The following CKM variants were observed in gnomAD, a reference collection of about 807,000 sequenced individuals.
CKM encodes creatine kinase M-type.
Under a neutral mutation model 35.4 loss-of-function variants are expected in CKM, and 28 were observed. The observed-to-expected ratio is 0.79, with a 90% CI of 0.59 to 1.08. CKM has a LOEUF of 1.08. Among genes scored for constraint, CKM ranks in the 50% least tolerant of loss-of-function variants. CKM has a pLI of 0.00. For missense variants in CKM, 484 were observed against 509.8 expected (o/e 0.95, Z 0.49); for synonymous variants, 215 against 204.4 (o/e 1.05, Z -0.44).
rs76072092 is a variant in CKM at position 45,306,817 on chromosome 19, A to G, written c.1079T>C (p.Met360Thr). 16 of 1,614,032 alleles carry G rather than the reference A, an allele frequency of 9.9e-6. No homozygotes were observed. Among genetic ancestry groups the G allele is most frequent in the African/African-American group, 1.3e-5 (1 of 74,906 alleles). Reference protein sequence around the residue: ...VQLVVDGVKLMVEMEKKLEKG... With the variant: ...VQLVVDGVKLTVEMEKKLEKG... ...CTCCAACTTCTTCTCCATTTCCACC[A>G]TGAGCTTCACACCATCCACCACCAG... Residue 360 changes from methionine (M) to threonine (T), a missense_variant, in exon 8 of 8, where the codon ATG becomes ACG. Physicochemically the swap from Met to Thr is moderately conservative, Grantham distance 81. Transcript: ENST00000221476. This position sits in a 1 kb window ranked among gnomAD's most constrained non-coding sequence, Gnocchi z 4.5.
chr19:45,322,699 T>G, intron 1 of CKM, 122 bp downstream of exon 1: 4 of 535,762 alleles, frequency 7.5e-6, no homozygotes, highest in Non-Finnish European at 9.5e-6. Context: ...CGACCTGCCT[T>G]TGTATAGGAG....
chr19:45,320,291 CTCTACTG>C (rs1971201501), intron 1 of CKM, among the ~76,000 whole-genome samples: 1 of 151,240 alleles, frequency 6.6e-6, no homozygotes, highest in Non-Finnish European at 1.5e-5. Context: ...GTTTCACCAT[CTCTACTG>C]GTTGGCCAGG....
intron 6 of CKM, among the ~76,000 whole-genome samples, chr19:45,308,105 C>T (rs1971071804): frequency 6.6e-6 from 1 of 152,142 alleles, no homozygotes; most frequent in Non-Finnish European, 1.5e-5. Flanking sequence ...GAACTCCTGA[C>T]CCTCCTCAGC....
chr19:45,320,231 C>T (rs1164049269), intron 1 of CKM, among the ~76,000 whole-genome samples: 1 of 152,112 alleles, frequency 6.6e-6, no homozygotes, highest in Non-Finnish European at 1.5e-5. Flanking sequence ...GGATTACAGG[C>T]GCACACCACC....
At chr19:45,314,834 C>T (rs1214094575) in intron 4 of CKM, among the ~76,000 whole-genome samples, 1 of 152,142 alleles carries the variant, frequency 6.6e-6, no homozygotes, top group Non-Finnish European at 1.5e-5. Context: ...ACCTCAGTCT[C>T]CTGAGTAGCT....
chr19:45,317,825 CT>C lies in CKM; in HGVS notation c.347del (p.Lys116ArgfsTer50), dbSNP rs1321357601. ...HKTDLNHENL[K>X]GGDDLDPNYV... ...CCTCCCCTCCTGCGCAGACACCGAC[CT>C]TGAGGTTTTCATGGTTGAGGTCAGT... On this transcript the variant is annotated frameshift_variant and splice_region_variant, in exon 3 of 8. Coordinates refer to ENST00000221476, the MANE Select transcript of CKM (RefSeq NM_001824.5). LOFTEE classifies it high-confidence loss of function. 12 of 1,613,922 alleles carry C rather than the reference CT, an allele frequency of 7.4e-6. No individual in the cohort carries two copies. In the Admixed American group the frequency reaches 1.8e-4, roughly 25 times the overall value.
Position 45,319,749 on chromosome 19 carries a change from AG to A in CKM, c.-18-19del. ...TAGGAGACCTGATGGGCAGGGCAGG[AG>A]GGGAAGATTGAAGATTAGCTGGCAT... On this transcript the variant is annotated intron_variant, in intron 1 of 7. Transcript: ENST00000221476. 6.3e-7 allele frequency: 1 copy of A among 1,588,474 alleles called. No individual in the cohort carries two copies. The highest frequency in any genetic ancestry group is 8.6e-7 in the Non-Finnish European group (1 of 1,158,486).
chr19:45,308,556 A>C (rs539774241), intron 5 of CKM, 24 bp from the exon 6 acceptor site: 2 of 1,612,860 alleles, frequency 1.2e-6, no homozygotes, highest in Admixed American at 3.3e-5. Flanking sequence ...CCGCAGCAAG[A>C]GGCCAAGGTG....
chr19:45,312,231 A>G (rs1014850175), intron 4 of CKM, among the ~76,000 whole-genome samples: 1 of 152,144 alleles, frequency 6.6e-6, no homozygotes, highest in Non-Finnish European at 1.5e-5. Flanking sequence ...CCTGCTCCTA[A>G]TGGCTGGCAA....
Position 45,307,589 on chromosome 19 carries a change from A to G in CKM, c.839T>C (p.Val280Ala), listed in dbSNP as rs758314659. The change falls in exon 7 of 8, where the codon GTG becomes GCG. Residue 280 changes from valine (V) to alanine (A), a missense_variant. Physicochemically the swap from Val to Ala is moderately conservative, Grantham distance 64 (BLOSUM62 0). Coordinates refer to ENST00000221476, the MANE Select transcript of CKM (RefSeq NM_001824.5). ...PFMWNQHLGY[V>A]LTCPSNLGTG... The stretch of plus-strand genomic sequence containing the variant: ...GCCCAGGTTGGATGGGCAGGTGAGC[A>G]CGTAGCCCAGGTGCTGGTTCCACAT... The G allele has an allele frequency of 1.9e-6, 3 of 1,614,058 alleles. No homozygotes were observed. The highest frequency in any genetic ancestry group is 1.7e-6 in the Non-Finnish European group (2 of 1,180,030).
intron 5 of CKM, 37 bp downstream of exon 5, chr19:45,311,712 G>C (rs533368374): frequency 9.1e-6 from 14 of 1,532,640 alleles, no homozygotes; most frequent in Non-Finnish European, 1.2e-5. Flanking sequence ...GAGGAGGCTG[G>C]GGGAAGAGGA....
Position 45,308,515 on chromosome 19 carries a change from C to T in CKM, c.671G>A (p.Ser224Asn). ...CTCCTCGTTCACCCACACCAGGAAG[C>T]TCTTGTTGTCATTGTGCCTAGAGTA... is the stretch of plus-strand genomic sequence containing the variant. Reference protein sequence around the residue: ...ARGIWHNDNKSFLVWVNEEDH... With the variant: ...ARGIWHNDNKNFLVWVNEEDH... Residue 224 changes from serine to asparagine, a missense_variant, in exon 6 of 8, where the codon AGC (serine) becomes AAC (asparagine). Coordinates refer to ENST00000221476, the MANE Select transcript of CKM (RefSeq NM_001824.5). 1 of 1,614,126 alleles carries T rather than the reference C, an allele frequency of 6.2e-7. No homozygotes were observed. Among genetic ancestry groups the T allele is most frequent in the Non-Finnish European group, 8.5e-7 (1 of 1,180,012 alleles).
rs1394229609 is a variant in CKM at position 45,317,211 on chromosome 19, G to A, written c.348+614C>T. On this transcript the variant is annotated intron_variant, in intron 3 of 7. Coordinates refer to ENST00000221476, the MANE Select transcript of CKM (RefSeq NM_001824.5). The stretch of plus-strand genomic sequence containing the variant: ...CAGCCTCCATCTCCTGGGTTCAAGA[G>A]ATTTTCCTGCCTCCACCTCCTGAGT... Among the ~76,000 whole-genome samples, 28 of 152,022 alleles carry A rather than the reference G, an allele frequency of 1.8e-4. 1 individual carries two copies. Among genetic ancestry groups the A allele is most frequent in the Admixed American group, 1.8e-3 (28 of 15,260 alleles).
intron 5 of CKM, among the ~76,000 whole-genome samples, chr19:45,309,551 G>A (rs1372817196): frequency 4.3e-4 from 41 of 95,100 alleles, no homozygotes; most frequent in Middle Eastern, 0.024. Context: ...GCAAGACCCT[G>A]TCTCAAAAAA....
rs1271016270 is a variant in CKM at position 45,306,861 on chromosome 19, G to A, written c.1035C>T (p.Ser345=). ...DVSNADRLGS[S]EVEQVQLVVD... is the part of the protein sequence containing the mutation. ...CCACCAGCTGCACCTGTTCTACTTC[G>A]GACGAGCCCAGCCGATCAGCGTTGG... The change falls in exon 8 of 8, where the codon TCC becomes TCT. Residue 345 remains serine (S), a synonymous_variant. Coordinates refer to ENST00000221476, the MANE Select transcript of CKM (RefSeq NM_001824.5). The surrounding 1 kb of genome is among the most constrained non-coding windows in gnomAD (Gnocchi z 4.5). 3 of 1,614,170 alleles carry A rather than the reference G, an allele frequency of 1.9e-6. No individual in the cohort carries two copies. The highest frequency in any genetic ancestry group is 2.2e-5 in the East Asian group (1 of 44,884).
Position 45,316,681 on chromosome 19 carries a change from T to G in CKM, c.349-1084A>C, listed in dbSNP as rs571359100. On this transcript the variant is annotated intron_variant, in intron 3 of 7. Transcript: ENST00000221476. The stretch of plus-strand genomic sequence containing the variant: ...CCCACTCTCCTTGTCTGTGTCTGAC[T>G]GCAACTGCGTGTGTCTCTCTCTCCC... 5.8e-3 allele frequency among the ~76,000 whole-genome samples: 888 copies of G among 152,022 alleles called. 4 individuals are homozygous for G. Among genetic ancestry groups the G allele is most frequent in the Non-Finnish European group, 0.01 (699 of 67,958 alleles).
intron 7 of CKM, among the ~76,000 whole-genome samples, chr19:45,307,240 G>A (rs1224619508): frequency 6.6e-6 from 1 of 152,144 alleles, no homozygotes; most frequent in Non-Finnish European, 1.5e-5. Context: ...GGAGGTCCAA[G>A]GGCATGTGCA....
intron 1 of CKM, 91 bp from the exon 2 acceptor site, chr19:45,319,822 G>T (rs537377035): frequency 1.8e-5 from 19 of 1,075,848 alleles, no homozygotes; most frequent in Non-Finnish European, 2.3e-5. Context: ...ACGGAGTCTC[G>T]CTCTGTCACC....
chr19:45,307,914 A>G (rs1005427441), intron 6 of CKM, among the ~76,000 whole-genome samples: 1 of 133,764 alleles, frequency 7.5e-6, no homozygotes, highest in Admixed American at 8.1e-5. Context: ...CCCAGGCTGG[A>G]GTGCAATGGC....
Sources: allele counts gnomAD v4.1 joint callset (sites outside exome capture counted in the v4.1 genomes callset), GRCh38; gene constraint gnomAD v4.1.1; non-coding constraint Gnocchi (gnomAD v3.1); transcripts MANE v1.5; gene names NCBI Gene and HGNC (gene_info 2026-07-23, HGNC 2026-07-21).